GALNT13: variants seen among roughly 807,000 people sequenced by gnomAD.
GALNT13 encodes UDP-GalNAc:polypeptide N-acetylgalactosaminyltransferase 13.
Under a neutral mutation model 64.2 loss-of-function variants are expected in GALNT13, and 28 were observed. The observed-to-expected ratio is 0.44, with a 90% CI of 0.32 to 0.60. The LOEUF (loss-of-function observed/expected upper bound fraction) is 0.60, where lower values mean the gene tolerates loss of function less well. Among genes scored for constraint, GALNT13 ranks in the 20% least tolerant of loss-of-function variants. GALNT13 has a pLI of 0.05. For synonymous variants in GALNT13, 214 were observed against 224.6 expected (o/e 0.95, Z 0.42); for missense variants, 577 against 669.8 (o/e 0.86, Z 1.53).
chr2:154,033,099 A>G (rs1698444867), intron 3 of GALNT13, among the ~76,000 whole-genome samples: 1 of 151,890 alleles, frequency 6.6e-6, no homozygotes, highest in Non-Finnish European at 1.5e-5. Context: ...TGTATTTTCA[A>G]TGAATTGTGC....
At chr2:153,400,259 A>G in the GALNT13 span, among the ~76,000 whole-genome samples, 3 of 151,978 alleles carry the variant, frequency 2.0e-5, no homozygotes. Flanking sequence ...CCAGCCTTGC[A>G]TCCCAGGGAT....
At chr2:153,486,520 C>T in the GALNT13 span, among the ~76,000 whole-genome samples, 1 of 152,076 alleles carries the variant, frequency 6.6e-6, no homozygotes, top group Non-Finnish European at 1.5e-5. Context: ...CTTGTGTTAC[C>T]CAGTTGGCTG....
intron 4 of GALNT13, among the ~76,000 whole-genome samples, chr2:154,196,716 C>G (rs1686897202): frequency 6.6e-6 from 1 of 152,198 alleles, no homozygotes; most frequent in African/African-American, 2.4e-5. Flanking sequence ...ATAAATTCAA[C>G]CATGTTTCAA....
At chr2:153,767,833 G>A in the GALNT13 span, among the ~76,000 whole-genome samples, 8 of 150,524 alleles carry the variant, frequency 5.3e-5, no homozygotes, top group Admixed American at 5.3e-4. Flanking sequence ...TGAGTTCCTT[G>A]TGGATTCTGG....
At chr2:153,082,547 G>A in the GALNT13 span, among the ~76,000 whole-genome samples, 1 of 112,854 alleles carries the variant, frequency 8.9e-6, no homozygotes, top group Non-Finnish European at 1.7e-5. Flanking sequence ...TCATGCACTG[G>A]TTGATTGATG....
chr2:154,434,336 T>A (rs1370174535), intron 11 of GALNT13, among the ~76,000 whole-genome samples: 1 of 152,188 alleles, frequency 6.6e-6, no homozygotes, highest in Non-Finnish European at 1.5e-5. Flanking sequence ...CTCCGCTCAC[T>A]GCAAATTCCG....
chr2:154,373,602 A>T (rs891039972), intron 9 of GALNT13, among the ~76,000 whole-genome samples: 4 of 152,202 alleles, frequency 2.6e-5, no homozygotes, highest in African/African-American at 9.6e-5. Flanking sequence ...CCCTCAAAAG[A>T]TCTTGTATAA....
chr2:154,054,173 T>C (rs1699785174), intron 3 of GALNT13, among the ~76,000 whole-genome samples: 1 of 152,128 alleles, frequency 6.6e-6, no homozygotes, highest in South Asian at 2.1e-4. Context: ...ATTATGCTGA[T>C]GGGAAGTTTT....
chr2:153,214,047 T>C, the GALNT13 span, among the ~76,000 whole-genome samples: 1 of 152,200 alleles, frequency 6.6e-6, no homozygotes, highest in Non-Finnish European at 1.5e-5. Context: ...TATATCTTAT[T>C]AGGTATGCTA....
At chr2:153,455,399 T>G in the GALNT13 span, among the ~76,000 whole-genome samples, 1 of 152,204 alleles carries the variant, frequency 6.6e-6, no homozygotes, top group Non-Finnish European at 1.5e-5. Flanking sequence ...CTCACGGATC[T>G]CAACTCCTCC....
chr2:154,392,643 G>C (rs13416648), intron 9 of GALNT13, among the ~76,000 whole-genome samples: 36,974 of 152,114 alleles, frequency 0.24, 5,375 homozygotes, highest in Middle Eastern at 0.34. Flanking sequence ...AGCCAGCCAA[G>C]AGCTATTTTC....
At chr2:153,382,321 C>G in the GALNT13 span, among the ~76,000 whole-genome samples, 1 of 151,822 alleles carries the variant, frequency 6.6e-6, no homozygotes, top group Non-Finnish European at 1.5e-5. Flanking sequence ...ACCAGTGGCC[C>G]CCTCCTTCCC....
At chr2:153,396,183 T>C in the GALNT13 span, among the ~76,000 whole-genome samples, 744 of 152,158 alleles carry the variant, frequency 4.9e-3, 5 homozygotes, top group African/African-American at 0.016. Flanking sequence ...GGAGATAAAA[T>C]TGATTGGCTT....
At chr2:154,078,771 C>T (rs961420785) in intron 3 of GALNT13, among the ~76,000 whole-genome samples, 1 of 151,412 alleles carries the variant, frequency 6.6e-6, no homozygotes, top group Admixed American at 6.6e-5. Context: ...TTTGTATTCA[C>T]ACAGAAAGGT....
At chr2:154,359,259 G>A (rs1047717589) in intron 9 of GALNT13, among the ~76,000 whole-genome samples, 1 of 152,006 alleles carries the variant, frequency 6.6e-6, no homozygotes, top group Non-Finnish European at 1.5e-5. Flanking sequence ...AGCATCAGCG[G>A]GACAAGTCCC....
the GALNT13 span, among the ~76,000 whole-genome samples, chr2:153,273,057 C>T: frequency 6.6e-6 from 1 of 152,114 alleles, no homozygotes; most frequent in African/African-American, 2.4e-5. Context: ...TGCATATTCT[C>T]ACTCATAAAG....
chr2:154,107,973 A>G (rs1041567434), intron 3 of GALNT13, among the ~76,000 whole-genome samples: 4 of 152,142 alleles, frequency 2.6e-5, no homozygotes, highest in African/African-American at 7.2e-5. Flanking sequence ...CATTGGGTAT[A>G]TATACCACAT....
intron 2 of GALNT13, among the ~76,000 whole-genome samples, chr2:153,921,486 A>G (rs533624777): frequency 6.6e-6 from 1 of 152,218 alleles, no homozygotes; most frequent in South Asian, 2.1e-4. Context: ...TGGAGGAGGG[A>G]GAGGATCAGA....
intron 7 of GALNT13, chr2:154,257,647 T>C (rs1277303698): frequency 6.6e-6 from 1 of 152,188 alleles, no homozygotes; most frequent in East Asian, 1.9e-4. Flanking sequence ...AAGGCTCTGC[T>C]ACTCCAACTG....
Sources: gnomAD v4.1 joint callset for allele counts (sites outside exome capture counted in the v4.1 genomes callset) on GRCh38, gnomAD v4.1.1 for gene constraint, MANE v1.5 for transcripts, NCBI Gene and HGNC (gene_info 2026-07-23, HGNC 2026-07-21) for gene names.